Variants in GNAQ observed in about 807,000 individuals in gnomAD.
The protein encoded by GNAQ is G protein subunit alpha q, also known as guanine nucleotide-binding protein G(q) subunit alpha.
Under a neutral mutation model 43.9 loss-of-function variants are expected in GNAQ, and 8 were observed. The ratio of observed to expected loss-of-function variants is 0.18; its 90% CI spans 0.11 to 0.33. The LOEUF (loss-of-function observed/expected upper bound fraction) is 0.33, where lower values mean the gene tolerates loss of function less well. Among genes scored for constraint, GNAQ ranks in the 10% least tolerant of loss-of-function variants. The pLI, the probability that GNAQ is intolerant of heterozygous loss-of-function variation, is 1.00. For missense variants in GNAQ, 158 were observed against 450.8 expected, an observed-to-expected ratio of 0.35 and a Z score of 5.88; for synonymous variants, 155 against 170.7, an observed-to-expected ratio of 0.91 and a Z score of 0.71.
At chr9:77,797,480 A>G in intron 4 of GNAQ, 40 bp downstream of exon 4, 1 of 1,548,572 alleles carries the variant, frequency 6.5e-7, no homozygotes, top group Middle Eastern at 1.9e-4. Flanking sequence ...TACTCAAGGC[A>G]TAAAAGCTGG....
At chr9:77,801,748 G>A (rs1826745371) in intron 3 of GNAQ, among the ~76,000 whole-genome samples, 1 of 152,120 alleles carries the variant, frequency 6.6e-6, no homozygotes, top group South Asian at 2.1e-4. Context: ...ACAAGGCAAA[G>A]AAAAACAACA....
chr9:77,856,078 T>C (rs1236512171), intron 2 of GNAQ, among the ~76,000 whole-genome samples: 2 of 152,174 alleles, frequency 1.3e-5, no homozygotes, highest in Non-Finnish European at 2.9e-5. Context: ...ATCATTTACA[T>C]GTGTTTTATA....
intron 2 of GNAQ, among the ~76,000 whole-genome samples, chr9:77,918,525 ATAT>A (rs927149035): frequency 2.0e-5 from 3 of 152,200 alleles, no homozygotes; most frequent in African/African-American, 7.2e-5. Flanking sequence ...AAAACATAAA[ATAT>A]TATTATTAAA....
intron 2 of GNAQ, among the ~76,000 whole-genome samples, chr9:77,843,536 T>C (rs1827526102): frequency 6.6e-6 from 1 of 152,166 alleles, no homozygotes; most frequent in Non-Finnish European, 1.5e-5. Context: ...TAGATAAGAA[T>C]CACTAGCTTC....
chr9:77,744,311 C>A (rs1440610539), intron 5 of GNAQ, among the ~76,000 whole-genome samples: 1 of 152,184 alleles, frequency 6.6e-6, no homozygotes, highest in Non-Finnish European at 1.5e-5. Context: ...TCCGACTTCT[C>A]CATCACATTA....
At chr9:77,887,593 C>T (rs564148521) in intron 2 of GNAQ, among the ~76,000 whole-genome samples, 1 of 152,198 alleles carries the variant, frequency 6.6e-6, no homozygotes, top group Non-Finnish European at 1.5e-5. Context: ...GGGCATTTTG[C>T]TGGAGTGCAC....
At chr9:77,827,102 G>A (rs975313871) in intron 2 of GNAQ, among the ~76,000 whole-genome samples, 1 of 151,950 alleles carries the variant, frequency 6.6e-6, no homozygotes, top group Non-Finnish European at 1.5e-5. Context: ...GAAGCATGTT[G>A]ACTTAAAGTG....
At chr9:77,952,759 T>C (rs1348313119) in intron 1 of GNAQ, among the ~76,000 whole-genome samples, 2 of 152,224 alleles carry the variant, frequency 1.3e-5, no homozygotes, top group Non-Finnish European at 2.9e-5. Context: ...TCACTCCTTG[T>C]ATTGCTTAAT....
intron 5 of GNAQ, among the ~76,000 whole-genome samples, chr9:77,744,733 G>C (rs1825705020): frequency 6.6e-6 from 1 of 152,052 alleles, no homozygotes; most frequent in Non-Finnish European, 1.5e-5. Context: ...CTATTAGTAG[G>C]TACTCAAAAC....
intron 2 of GNAQ, among the ~76,000 whole-genome samples, chr9:77,906,126 A>G (rs940274245): frequency 1.3e-5 from 2 of 152,192 alleles, no homozygotes; most frequent in Non-Finnish European, 2.9e-5. Flanking sequence ...AAAATAACCA[A>G]TGCAACTGAT....
At chr9:77,934,349 T>C (rs371073302) in intron 1 of GNAQ, among the ~76,000 whole-genome samples, 1 of 152,220 alleles carries the variant, frequency 6.6e-6, no homozygotes, top group African/African-American at 2.4e-5. Flanking sequence ...TAGTATTTAG[T>C]ATATATTCAA....
At position 77,828,212 on chromosome 9, in the gene GNAQ, CTCTTT is replaced by C. The variant is rs551142446; in HGVS notation, c.322-12447_322-12443del. Reference sequence around the variant, plus strand: ...ATTATCATTTCATGAAAATGTTCTTCTCTTTTATTTTCTATTCATTAATAGCAGAT... The same window carrying C: ...ATTATCATTTCATGAAAATGTTCTTCTATTTTCTATTCATTAATAGCAGAT... On this transcript the variant is annotated intron_variant, in intron 2 of 6. Coordinates refer to ENST00000286548, the MANE Select transcript of GNAQ (RefSeq NM_002072.5). 1.8e-3 allele frequency among the ~76,000 whole-genome samples: 276 copies of C among 151,512 alleles called. 1 individual carries two copies. The highest frequency in any genetic ancestry group is 6.0e-3 in the African/African-American group (247 of 41,314).
chr9:77,984,239 G>A (rs1273372818), intron 1 of GNAQ, among the ~76,000 whole-genome samples: 3 of 149,824 alleles, frequency 2.0e-5, no homozygotes, highest in Non-Finnish European at 4.4e-5. Context: ...GCATGATCTC[G>A]GCTCACTGCA....
At chr9:77,978,161 TAC>T (rs1344285931) in intron 1 of GNAQ, among the ~76,000 whole-genome samples, 1 of 152,198 alleles carries the variant, frequency 6.6e-6, no homozygotes, top group East Asian at 1.9e-4. Flanking sequence ...TTATTGCTTT[TAC>T]AGTCCTTCTA....
chr9:77,823,660 C>G (rs1023888735), intron 2 of GNAQ, among the ~76,000 whole-genome samples: 1 of 152,202 alleles, frequency 6.6e-6, no homozygotes, highest in East Asian at 1.9e-4. Context: ...GCACGTCTTA[C>G]CGTGGTAGAG....
At chr9:77,930,614 A>G (rs1829135475) in intron 1 of GNAQ, among the ~76,000 whole-genome samples, 1 of 152,178 alleles carries the variant, frequency 6.6e-6, no homozygotes, top group South Asian at 2.1e-4. Context: ...TTTACAATTA[A>G]CTAACAAAAT....
intron 2 of GNAQ, among the ~76,000 whole-genome samples, chr9:77,879,734 C>A (rs532825648): frequency 6.6e-6 from 1 of 152,250 alleles, no homozygotes; most frequent in Admixed American, 6.5e-5. Flanking sequence ...GCAAAGTAGT[C>A]CCTTGAGAGG....
intron 5 of GNAQ, among the ~76,000 whole-genome samples, chr9:77,742,445 C>T (rs1825667747): frequency 6.6e-6 from 1 of 151,926 alleles, no homozygotes; most frequent in Non-Finnish European, 1.5e-5. Flanking sequence ...ATATTTTGCC[C>T]CAAATAAGAG....
chr9:77,802,352 T>C (rs1458616785), intron 3 of GNAQ, among the ~76,000 whole-genome samples: 1 of 152,116 alleles, frequency 6.6e-6, no homozygotes, highest in Non-Finnish European at 1.5e-5. Context: ...AAGGGAACTT[T>C]GTTCCCCTAG....
Sources: allele counts gnomAD v4.1 joint callset (sites outside exome capture counted in the v4.1 genomes callset), GRCh38; gene constraint gnomAD v4.1.1; transcripts MANE v1.5; gene names NCBI Gene and HGNC (gene_info 2026-07-23, HGNC 2026-07-21).